Variants in COQ2 observed in about 807,000 individuals in gnomAD.
COQ2 encodes the protein coenzyme Q2, polyprenyltransferase.
A neutral mutation model predicts 35.7 loss-of-function variants in COQ2; 25 were observed. The ratio of observed to expected loss-of-function variants is 0.70; its 90% CI spans 0.51 to 0.98. The LOEUF (loss-of-function observed/expected upper bound fraction) is 0.98. Ranked by LOEUF, COQ2 falls within the 50% of genes least tolerant of loss-of-function variation. The pLI is 0.00. For synonymous variants in COQ2, 206 were observed against 186.2 expected (o/e 1.11, Z -0.86); for missense variants, 488 against 473.5 (o/e 1.03, Z -0.28).
intron 4 of COQ2, among the ~76,000 whole-genome samples, chr4:83,270,740 T>C (rs951853068): frequency 6.6e-6 from 1 of 152,220 alleles, no homozygotes; most frequent in Non-Finnish European, 1.5e-5. Flanking sequence ...TGTACTGCAA[T>C]GACCTGTTTA....
chr4:83,277,698 G>C (rs1055789505), intron 2 of COQ2, among the ~76,000 whole-genome samples: 1 of 152,142 alleles, frequency 6.6e-6, no homozygotes, highest in Non-Finnish European at 1.5e-5. Context: ...GGCCAGGCGC[G>C]GTGGCTCATG....
At chr4:83,273,361 C>T in intron 3 of COQ2, 135 bp downstream of exon 3, 1 of 837,130 alleles carries the variant, frequency 1.2e-6, no homozygotes, top group Non-Finnish European at 1.8e-6. Flanking sequence ...TGGTGAGTTA[C>T]TTACACTTGC....
Position 83,284,640 on chromosome 4 carries a change from T to G in COQ2, c.125A>C (p.Asp42Ala). 3 of 1,495,766 alleles carry G rather than the reference T, an allele frequency of 2.0e-6. No individual in the cohort carries two copies. In the South Asian group the frequency reaches 3.8e-5, roughly 19 times the overall value. The allele number at this position is 1,495,766 out of a possible 1,614,324, so 92.7% of individuals were successfully genotyped here. ...ARAAGAPHGGDLQPPACPEPR... is the reference protein window; with the variant it reads ...ARAAGAPHGGALQPPACPEPR... ...CTCGGGACAGGCGGGGGGCTGCAAGTCACCACCGTGGGGCGCGCCTGCCGC... is the reference window on the plus strand; with the variant it reads ...CTCGGGACAGGCGGGGGGCTGCAAGGCACCACCGTGGGGCGCGCCTGCCGC... Residue 42 changes from aspartate to alanine, a missense_variant, in exon 1 of 7, where the codon GAC becomes GCC. Asp to Ala is a moderately radical substitution (Grantham distance 126). Transcript: ENST00000647002.
At chr4:83,276,111 G>A (rs1218909490) in intron 2 of COQ2, among the ~76,000 whole-genome samples, 2 of 141,784 alleles carry the variant, frequency 1.4e-5, no homozygotes, top group East Asian at 3.9e-4. Flanking sequence ...TATACATATA[G>A]AGTGTACAGA....
At chr4:83,265,087 G>A (rs186127380) in intron 6 of COQ2, among the ~76,000 whole-genome samples, 2 of 152,304 alleles carry the variant, frequency 1.3e-5, no homozygotes, top group East Asian at 3.9e-4. Context: ...TAGTAATCTA[G>A]AACAAGCGTA....
chr4:83,269,893 C>T lies in COQ2; in HGVS notation c.729G>A (p.Trp243Ter), dbSNP rs1735006518. The T allele has an allele frequency of 6.2e-7, 1 of 1,610,018 alleles. No individual in the cohort carries two copies. Among genetic ancestry groups the T allele is most frequent in the African/African-American group, 1.3e-5 (1 of 74,898 alleles). The change falls in exon 5 of 7, where the codon TGG (tryptophan) becomes TGA (stop). Residue 243 changes from tryptophan (W) to a stop codon, truncating the protein, a stop_gained. Transcript: ENST00000647002. LOFTEE classifies it high-confidence loss of function. ...CLPLYFSGVM[W>*]TLIYDTIYAH... ...CATAAATAGTATCATATATTAGTGT[C>T]CACATAACTCCAGAAAAATAAAGAG...
At position 83,277,796 on chromosome 4, in the gene COQ2, C is replaced by G. The variant is rs189127705; in HGVS notation, c.420+1152G>C. On this transcript the variant is annotated intron_variant, in intron 2 of 6. Transcript: ENST00000647002. ...ACCAGCCTGACCAACGTGGAGAAAC[C>G]CTGTCTCTACTAAAAATACAAAATT... Among the ~76,000 whole-genome samples the G allele has an allele frequency of 3.7e-3, 566 of 152,244 alleles. 8 individuals carry two copies. The highest frequency in any genetic ancestry group is 0.013 in the African/African-American group (546 of 41,534).
At chr4:83,270,857 C>T (rs1274668576) in intron 4 of COQ2, among the ~76,000 whole-genome samples, 4 of 152,038 alleles carry the variant, frequency 2.6e-5, no homozygotes, top group Non-Finnish European at 5.9e-5. Context: ...TGTAGGGGTT[C>T]AGTAAATGTT....
At chr4:83,280,689 G>A (rs1735299772) in intron 1 of COQ2, among the ~76,000 whole-genome samples, 1 of 152,230 alleles carries the variant, frequency 6.6e-6, no homozygotes, top group Admixed American at 6.5e-5. Context: ...GTTTTAGGAG[G>A]AGGGAGAGAG....
rs1273659383 is a variant in COQ2, at chr4:83,264,116, A to G, written c.*83T>C. The G allele has an allele frequency of 1.3e-6, 1 of 790,778 alleles. No homozygotes were observed. The highest frequency in any genetic ancestry group is 3.7e-5 in the Admixed American group (1 of 27,318). The allele number at this position is 790,778 out of a possible 1,614,324, so 49.0% of individuals were successfully genotyped here. On this transcript the variant is annotated 3_prime_UTR_variant, in exon 7 of 7. Transcript: ENST00000647002. ...TTCATCTTCAGGTTCTTAATTCTTT[A>G]ACATATTGTATCAGATTTTGTATTC... is the stretch of plus-strand genomic sequence containing the variant.
At chr4:83,283,223 C>G (rs1735369015) in intron 1 of COQ2, 1 of 973,982 alleles carries the variant, frequency 1.0e-6, no homozygotes, top group Non-Finnish European at 1.2e-6. Flanking sequence ...TAATTCGGGT[C>G]TTGTACGGGC....
chr4:83,276,764 T>C (rs764184196), intron 2 of COQ2, among the ~76,000 whole-genome samples: 34 of 152,178 alleles, frequency 2.2e-4, no homozygotes, highest in Non-Finnish European at 2.9e-5. Context: ...ACAGCATTAT[T>C]CACAATAGCA....
At chr4:83,275,377 G>A (rs920857724) in intron 2 of COQ2, among the ~76,000 whole-genome samples, 4 of 150,962 alleles carry the variant, frequency 2.6e-5, no homozygotes, top group Non-Finnish European at 5.9e-5. Flanking sequence ...ACAAGCTCAC[G>A]TTCCCAACCT....
chr4:83,271,794 C>CA (rs1312994475), intron 4 of COQ2, among the ~76,000 whole-genome samples: 15 of 151,666 alleles, frequency 9.9e-5, no homozygotes, highest in Non-Finnish European at 1.9e-4. Flanking sequence ...GCCTGAGCAA[C>CA]AGATCAAGAC....
chr4:83,272,193 T>TA (rs1222281837), intron 3 of COQ2, 21 bp from the exon 4 acceptor site: 2 of 1,527,282 alleles, frequency 1.3e-6, no homozygotes, highest in Non-Finnish European at 9.0e-7. Context: ...GAAAAACCAT[T>TA]AAAGTGATTA....
Position 83,269,917 on chromosome 4 carries a change from A to G in COQ2, c.705T>C (p.Pro235=). 6.2e-7 allele frequency: 1 copy of G among 1,612,896 alleles called. No homozygotes were observed. The highest frequency in any genetic ancestry group is 8.5e-7 in the Non-Finnish European group (1 of 1,179,006). The change falls in exon 5 of 7, where the codon CCT becomes CCC. Residue 235 remains proline, a synonymous_variant. Transcript: ENST00000647002. ...KGSCDPSVCL[P]LYFSGVMWTL... ...TCCACATAACTCCAGAAAAATAAAG[A>G]GGCAGGCAAACAGATGGATCACAGG...
rs748990158 is a variant in COQ2 at position 83,272,171 on chromosome 4, TACTGA to T, written c.543-4_543del. On this transcript the variant is annotated splice_acceptor_variant and splice_polypyrimidine_tract_variant and coding_sequence_variant and intron_variant, in exon 4 of 7. Coordinates refer to ENST00000647002, the MANE Select transcript of COQ2 (RefSeq NM_001358921.2). LOFTEE classifies it high-confidence loss of function. ...AGTAAGGATCCTGCTCCCAGAGCTA[TACTGA>T]AAAGAGGAAAAACCATTAAAGTGAT... 3.1e-6 allele frequency: 5 copies of T among 1,603,170 alleles called. No individual in the cohort carries two copies. The highest frequency in any genetic ancestry group is 4.3e-6 in the Non-Finnish European group (5 of 1,173,848).
In COQ2 at chr4:83,284,791, G is replaced by C; in HGVS notation, c.-27C>G. ...GCGCTGGTGAGGCCGGGACGAGCTCGGATTGACGTCATTCCCCGGCAGGCA... is the reference window on the plus strand; with the variant it reads ...GCGCTGGTGAGGCCGGGACGAGCTCCGATTGACGTCATTCCCCGGCAGGCA... On this transcript the variant is annotated 5_prime_UTR_variant, in exon 1 of 7. Coordinates refer to ENST00000647002, the MANE Select transcript of COQ2 (RefSeq NM_001358921.2). 8 of 1,568,766 alleles carry C rather than the reference G, an allele frequency of 5.1e-6. No homozygotes were observed. Among genetic ancestry groups the C allele is most frequent in the Non-Finnish European group, 6.9e-6 (8 of 1,164,570 alleles).
intron 1 of COQ2, 55 bp downstream of exon 1, chr4:83,284,457 C>G: frequency 2.0e-6 from 3 of 1,514,380 alleles, no homozygotes; most frequent in African/African-American, 2.9e-5. Context: ...TCCGCGGAGC[C>G]GACTCGGAGG....
Sources: allele counts gnomAD v4.1 joint callset (sites outside exome capture counted in the v4.1 genomes callset), GRCh38; gene constraint gnomAD v4.1.1; transcripts MANE v1.5; gene names NCBI Gene and HGNC (gene_info 2026-07-23, HGNC 2026-07-21).